The following PSD3 variants were observed in gnomAD, a reference collection of about 807,000 sequenced individuals.
PSD3 encodes PH and SEC7 domain-containing protein 3.
Under a neutral mutation model 105.5 loss-of-function variants are expected in PSD3, and 49 were observed. That is an observed-to-expected ratio of 0.46 (90% confidence interval 0.37 to 0.59). PSD3 has a LOEUF of 0.59. Among genes scored for constraint, PSD3 ranks in the 20% least tolerant of loss-of-function variants. The pLI is 0.00. For missense variants in PSD3, 1,561 were observed against 1,263.8 expected, an observed-to-expected ratio of 1.24 and a Z score of -3.57; for synonymous variants, 557 against 457.8, an observed-to-expected ratio of 1.22 and a Z score of -2.77.
intron 1 of PSD3, among the ~76,000 whole-genome samples, chr8:19,027,468 C>T (rs1827597390): frequency 6.6e-6 from 1 of 152,030 alleles, no homozygotes; most frequent in Non-Finnish European, 1.5e-5. Context: ...ATAGTGTAAA[C>T]CTCAACAATT....
At chr8:18,949,369 C>T (rs978034425) in intron 1 of PSD3, among the ~76,000 whole-genome samples, 16 of 145,154 alleles carry the variant, frequency 1.1e-4, no homozygotes, top group African/African-American at 3.8e-4. Context: ...TAATCATTTA[C>T]CCAACCTACA....
intron 8 of PSD3, among the ~76,000 whole-genome samples, chr8:18,776,882 T>C (rs1046640476): frequency 2.0e-5 from 3 of 152,210 alleles, no homozygotes; most frequent in Non-Finnish European, 2.9e-5. Context: ...ATACCTCCAC[T>C]TCTCGTTTTT....
intron 2 of PSD3, among the ~76,000 whole-genome samples, chr8:18,877,534 C>T (rs907224223): frequency 7.7e-5 from 11 of 143,524 alleles, no homozygotes; most frequent in Non-Finnish European, 7.4e-5. Flanking sequence ...GAGCTAGATG[C>T]CTATCTTTTT....
chr8:19,074,586 T>C (rs1208075290), intron 1 of PSD3, among the ~76,000 whole-genome samples: 1 of 10,736 alleles, frequency 9.3e-5, no homozygotes, highest in Non-Finnish European at 5.4e-4. Flanking sequence ...ACAACTCAGA[T>C]ATATACATAT....
At chr8:18,647,343 T>G (rs11775173) in intron 10 of PSD3, among the ~76,000 whole-genome samples, 9,850 of 152,228 alleles carry the variant, frequency 0.065, 501 homozygotes, top group African/African-American at 0.14. Context: ...CCAGAACAAT[T>G]TAATATGTGA....
At chr8:18,639,272 T>A (rs964836452) in intron 10 of PSD3, among the ~76,000 whole-genome samples, 7 of 152,122 alleles carry the variant, frequency 4.6e-5, no homozygotes, top group East Asian at 1.9e-4. Flanking sequence ...CTTTTTTTTT[T>A]AATTGAGAGT....
chr8:18,571,558 T>C (rs114859367), intron 14 of PSD3, among the ~76,000 whole-genome samples: 22 of 152,328 alleles, frequency 1.4e-4, no homozygotes, highest in African/African-American at 5.3e-4. Context: ...ATGACTTCCT[T>C]ATTTATATTT....
chr8:18,583,904 C>A (rs984142697), intron 12 of PSD3, among the ~76,000 whole-genome samples: 1 of 152,170 alleles, frequency 6.6e-6, no homozygotes, highest in African/African-American at 2.4e-5. Context: ...AAGTCCTAAT[C>A]TTATATATGC....
intron 2 of PSD3, among the ~76,000 whole-genome samples, chr8:18,921,026 T>C (rs1298514197): frequency 6.6e-6 from 1 of 152,216 alleles, no homozygotes; most frequent in Non-Finnish European, 1.5e-5. Context: ...ATAACAGAAA[T>C]TGCTGGTGAA....
intron 11 of PSD3, among the ~76,000 whole-genome samples, chr8:18,615,868 C>G (rs1316102395): frequency 6.6e-6 from 1 of 152,144 alleles, no homozygotes; most frequent in East Asian, 1.9e-4. Context: ...ATTTCTACAA[C>G]TAGCAATTCA....
intron 9 of PSD3, among the ~76,000 whole-genome samples, chr8:18,695,929 A>T (rs1801229943): frequency 6.6e-6 from 1 of 152,226 alleles, no homozygotes; most frequent in African/African-American, 2.4e-5. Context: ...TGTGTAATGC[A>T]AGCTGGTAAC....
At chr8:18,934,561 C>T (rs182325484) in intron 2 of PSD3, among the ~76,000 whole-genome samples, 1 of 152,242 alleles carries the variant, frequency 6.6e-6, no homozygotes, top group East Asian at 1.9e-4. Flanking sequence ...CAGGCACCTG[C>T]CACCGCGCCC....
At chr8:19,027,257 C>T (rs1220247477) in intron 1 of PSD3, among the ~76,000 whole-genome samples, 1 of 152,148 alleles carries the variant, frequency 6.6e-6, no homozygotes, top group African/African-American at 2.4e-5. Context: ...GACTCTCATT[C>T]TGGACATAAC....
chr8:18,880,840 A>C (rs190572819), intron 2 of PSD3, among the ~76,000 whole-genome samples: 4 of 152,350 alleles, frequency 2.6e-5, no homozygotes, highest in Admixed American at 2.6e-4. Flanking sequence ...GGGACTTGTT[A>C]AATATAAAAA....
chr8:18,968,150 C>T (rs79104472), intron 1 of PSD3, among the ~76,000 whole-genome samples: 5 of 152,148 alleles, frequency 3.3e-5, no homozygotes, highest in East Asian at 1.9e-4. Flanking sequence ...ATTCTGCACA[C>T]GCACACAAAA....
intron 11 of PSD3, among the ~76,000 whole-genome samples, chr8:18,628,796 C>T (rs191428825): frequency 0.018 from 2,775 of 151,840 alleles, 89 homozygotes; most frequent in African/African-American, 0.063. Context: ...TTGCAGCAAA[C>T]ACTAAAATAA....
intron 8 of PSD3, among the ~76,000 whole-genome samples, chr8:18,784,749 T>C (rs1585978421): frequency 6.6e-6 from 1 of 152,166 alleles, no homozygotes; most frequent in Admixed American, 6.5e-5. Context: ...GTCCTAAGTG[T>C]TGGGGCTTCT....
intron 1 of PSD3, among the ~76,000 whole-genome samples, chr8:18,977,447 C>T (rs1385371151): frequency 2.6e-5 from 4 of 151,986 alleles, no homozygotes; most frequent in African/African-American, 4.8e-5. Context: ...AAACAGTCCC[C>T]CTGGCATATA....
At chr8:18,694,794 G>A (rs942028235) in intron 9 of PSD3, among the ~76,000 whole-genome samples, 1 of 150,354 alleles carries the variant, frequency 6.7e-6, no homozygotes, top group Non-Finnish European at 1.5e-5. Context: ...GACCAGCCTG[G>A]GCAACATAGT....
Sources: gnomAD v4.1 joint callset for allele counts (sites outside exome capture counted in the v4.1 genomes callset) on GRCh38, gnomAD v4.1.1 for gene constraint, MANE v1.5 for transcripts, NCBI Gene and HGNC (gene_info 2026-07-23, HGNC 2026-07-21) for gene names.